The following SMPD4 variants were observed in gnomAD, a reference collection of about 807,000 sequenced individuals.
SMPD4 encodes sphingomyelin phosphodiesterase 4.
Under a neutral mutation model 97.8 loss-of-function variants are expected in SMPD4, and 58 were observed. The observed-to-expected ratio is 0.59, with a 90% confidence interval of 0.48 to 0.74. The LOEUF (loss-of-function observed/expected upper bound fraction) is 0.74. Among genes scored for constraint, SMPD4 ranks in the 30% least tolerant of loss-of-function variants. The probability of loss-of-function intolerance (pLI) is 0.00; values close to 1 mark genes in which losing one functional copy is unlikely to be tolerated. For missense variants in SMPD4, 853 were observed against 1,080.5 expected (o/e 0.79, Z 2.95); for synonymous variants, 388 against 450.0 (o/e 0.86, Z 1.74).
chr2:130,176,666 C>A (rs377530166), intron 1 of SMPD4, 29 bp from the exon 2 acceptor site: 6 of 1,528,510 alleles, frequency 3.9e-6, no homozygotes, highest in Non-Finnish European at 5.4e-6. Context: ...AAAATCTCAA[C>A]ATCTGTAACA....
At chr2:130,166,083 A>G (rs1471148763) in intron 9 of SMPD4, among the ~76,000 whole-genome samples, 1 of 152,120 alleles carries the variant, frequency 6.6e-6, no homozygotes, top group Non-Finnish European at 1.5e-5. Flanking sequence ...ACACTTTGGG[A>G]GGCCAAAGCA....
chr2:130,176,036 T>C (rs1433596531), intron 2 of SMPD4, among the ~76,000 whole-genome samples: 1 of 152,024 alleles, frequency 6.6e-6, no homozygotes, highest in Non-Finnish European at 1.5e-5. Context: ...TTGCCCAGGC[T>C]GGTCTCAAAC....
chr2:130,170,033 T>C (rs1573713022), intron 8 of SMPD4, among the ~76,000 whole-genome samples: 1 of 135,436 alleles, frequency 7.4e-6, no homozygotes, highest in Non-Finnish European at 1.6e-5. Context: ...TCCCCATATC[T>C]CCGCAAAAAA....
intron 19 of SMPD4, 79 bp from the exon 20 acceptor site, chr2:130,152,963 G>A (rs1281836544): frequency 1.3e-6 from 2 of 1,556,686 alleles, no homozygotes; most frequent in Non-Finnish European, 1.7e-6. Flanking sequence ...ACCCTCACAG[G>A]CCACCCCAGG....
At chr2:130,154,925 G>A (rs573035201) in intron 15 of SMPD4, 171 bp downstream of exon 15, 85 of 877,994 alleles carry the variant, frequency 9.7e-5, no homozygotes, top group Admixed American at 5.2e-4. Flanking sequence ...GGATCCAGCC[G>A]GTTTCAGACC....
In SMPD4 at chr2:130,155,954, C is replaced by T. The variant is rs1482947579; in HGVS notation, c.1289+81G>A. The T allele has an allele frequency of 1.5e-4, 212 of 1,431,550 alleles. 1 individual carries two copies. In the East Asian group the frequency reaches 3.9e-3, roughly 26 times the overall value. 88.7% of individuals were successfully genotyped at this position (1,431,550 alleles called of 1,614,324 possible). On this transcript the variant is annotated intron_variant, in intron 14 of 19. Transcript: ENST00000680298. ...GGGCCAGGCTGACCCCAGCACAGGC[C>T]GCTGGCTTGGCCTCCACCCACTGGA...
At chr2:130,158,842 A>G (rs2084784) in intron 11 of SMPD4, among the ~76,000 whole-genome samples, 56,417 of 151,910 alleles carry the variant, frequency 0.37, 10,691 homozygotes, top group East Asian at 0.46. Flanking sequence ...TGCAGGGCCC[A>G]GCCTCCAGGT....
At chr2:130,154,840 C>T in intron 15 of SMPD4, 1 of 617,056 alleles carries the variant, frequency 1.6e-6, no homozygotes, top group Admixed American at 3.0e-5. Flanking sequence ...GGGGCCGCAG[C>T]TTGGACCGTG....
intron 10 of SMPD4, among the ~76,000 whole-genome samples, chr2:130,162,202 G>A (rs1250984900): frequency 1.3e-5 from 2 of 152,278 alleles, no homozygotes; most frequent in Non-Finnish European, 2.9e-5. Flanking sequence ...AGAGGCAGCA[G>A]GAACCTGAGG....
At chr2:130,156,206 C>T (rs1558742595) in intron 13 of SMPD4, 71 bp from the exon 14 acceptor site, 1 of 1,380,134 alleles carries the variant, frequency 7.2e-7, no homozygotes, top group African/African-American at 1.4e-5. Flanking sequence ...AGCCCAGATA[C>T]CAGGCGGCAG....
chr2:130,177,881 G>T (rs1363925249), intron 1 of SMPD4, among the ~76,000 whole-genome samples: 3 of 152,068 alleles, frequency 2.0e-5, no homozygotes, highest in Admixed American at 6.6e-5. Flanking sequence ...GAATTCTAAA[G>T]ATAGCAGCCC....
intron 3 of SMPD4, among the ~76,000 whole-genome samples, chr2:130,173,863 A>G (rs1334977514): frequency 1.3e-5 from 2 of 152,188 alleles, no homozygotes; most frequent in Non-Finnish European, 2.9e-5. Flanking sequence ...GGTACATGGC[A>G]TACCAAGCAG....
Position 130,152,345 on chromosome 2 carries a change from G to T in SMPD4, c.*210C>A. The T allele has an allele frequency of 1.7e-6, 1 of 603,168 alleles. No individual in the cohort carries two copies. Among genetic ancestry groups the T allele is most frequent in the Non-Finnish European group, 2.9e-6 (1 of 344,280 alleles). The allele number at this position is 603,168 out of a possible 1,614,324, so 37.4% of individuals were successfully genotyped here. ...TGCGCTGTCACAGAGCGTAGCTGTTGAGCCCTGGCAGCTACTCCTTTGCTG... is the reference window on the plus strand; with the variant it reads ...TGCGCTGTCACAGAGCGTAGCTGTTTAGCCCTGGCAGCTACTCCTTTGCTG... On this transcript the variant is annotated 3_prime_UTR_variant, in exon 20 of 20. Transcript: ENST00000680298.
At chr2:130,166,097 G>A (rs1248707002) in intron 9 of SMPD4, among the ~76,000 whole-genome samples, 1 of 151,990 alleles carries the variant, frequency 6.6e-6, no homozygotes, top group Non-Finnish European at 1.5e-5. Context: ...CAAAGCAAAT[G>A]GATCACTTGA....
chr2:130,153,445 G>A lies in SMPD4; in HGVS notation c.1899C>T (p.Ser633=), dbSNP rs1220319543. 10 of 1,613,762 alleles carry A rather than the reference G, an allele frequency of 6.2e-6. No homozygotes were observed. Among genetic ancestry groups the A allele is most frequent in the African/African-American group, 2.7e-5 (2 of 75,062 alleles). ...LEYLRQIFRL[S]EAQLRQFTLA... ...GTGTGAACTGCCTGAGCTGCGCTTC[G>A]CTGAGCTGCCAGAGAGAAATGCCAC... is the stretch of plus-strand genomic sequence containing the variant. Residue 633 remains serine (S), a synonymous_variant, in exon 18 of 20, where the codon AGC becomes AGT. Coordinates refer to ENST00000680298, the MANE Select transcript of SMPD4 (RefSeq NM_017951.5).
chr2:130,171,730 G>A (rs7563905), intron 8 of SMPD4, among the ~76,000 whole-genome samples: 52,326 of 152,044 alleles, frequency 0.34, 9,352 homozygotes, highest in East Asian at 0.46. Flanking sequence ...GAAGGGGCCT[G>A]CATGCAGCTT....
At chr2:130,178,495 G>C (rs372666838) in intron 1 of SMPD4, among the ~76,000 whole-genome samples, 115 of 152,272 alleles carry the variant, frequency 7.6e-4, no homozygotes, top group African/African-American at 2.7e-3. Context: ...AATAAGCCAT[G>C]AGAAAACTAG....
intron 16 of SMPD4, 97 bp from the exon 17 acceptor site, chr2:130,154,032 G>A: frequency 8.0e-7 from 1 of 1,242,346 alleles, no homozygotes; most frequent in Non-Finnish European, 1.1e-6. Flanking sequence ...CTGAGCGTCA[G>A]GAGGAGTGGC....
At chr2:130,158,952 C>T (rs929061946) in intron 11 of SMPD4, among the ~76,000 whole-genome samples, 2 of 152,216 alleles carry the variant, frequency 1.3e-5, no homozygotes, top group Non-Finnish European at 2.9e-5. Context: ...CCAAGTGACA[C>T]ACCCCAGAGA....
Sources: gnomAD v4.1 joint callset for allele counts (sites outside exome capture counted in the v4.1 genomes callset) on GRCh38, gnomAD v4.1.1 for gene constraint, MANE v1.5 for transcripts, NCBI Gene and HGNC (gene_info 2026-07-23, HGNC 2026-07-21) for gene names.